Variants in PPP1R9A observed in about 807,000 individuals in gnomAD.
PPP1R9A encodes the protein neurabin-1.
A neutral mutation model predicts 141.9 loss-of-function variants in PPP1R9A; 59 were observed. The observed-to-expected ratio is 0.42, with a 90% CI of 0.34 to 0.52. The LOEUF is 0.52. Ranked by LOEUF, PPP1R9A falls within the 20% of genes least tolerant of loss-of-function variation. The pLI, the probability that PPP1R9A is intolerant of heterozygous loss-of-function variation, is 0.10. For missense variants in PPP1R9A, 1,444 were observed against 1,611.9 expected (o/e 0.90, Z 1.78); for synonymous variants, 500 against 569.7 (o/e 0.88, Z 1.74).
chr7:95,155,010 A>G (rs1829351278), intron 4 of PPP1R9A: 1 of 152,084 alleles, frequency 6.6e-6, no homozygotes, highest in Non-Finnish European at 1.5e-5. Flanking sequence ...TAATGCATGC[A>G]TGGGGATTAT....
chr7:95,231,215 A>G (rs529085169), intron 8 of PPP1R9A, among the ~76,000 whole-genome samples: 11 of 152,194 alleles, frequency 7.2e-5, no homozygotes, highest in South Asian at 4.1e-4. Context: ...AATTCTAACT[A>G]TATTTGCAGC....
At chr7:95,200,741 T>C (rs1052807186) in intron 6 of PPP1R9A, among the ~76,000 whole-genome samples, 1 of 152,244 alleles carries the variant, frequency 6.6e-6, no homozygotes. Flanking sequence ...CCTGAGCAGA[T>C]ATTTTCAGGG....
intron 2 of PPP1R9A, among the ~76,000 whole-genome samples, chr7:95,025,926 G>T (rs184555812): frequency 4.6e-5 from 7 of 152,246 alleles, no homozygotes; most frequent in African/African-American, 1.7e-4. Flanking sequence ...AGCTCCATCA[G>T]ATCATTTATG....
At chr7:94,920,173 A>G (rs534194149) in intron 2 of PPP1R9A, among the ~76,000 whole-genome samples, 1 of 152,330 alleles carries the variant, frequency 6.6e-6, no homozygotes, top group East Asian at 1.9e-4. Context: ...GCACAATTTT[A>G]TAGAGTGGAT....
At chr7:95,107,466 G>T (rs1312594426) in intron 2 of PPP1R9A, among the ~76,000 whole-genome samples, 1 of 152,016 alleles carries the variant, frequency 6.6e-6, no homozygotes. Context: ...TAACCTGTTA[G>T]CTAAACATTG....
At chr7:95,038,826 C>T (rs1456890584) in intron 2 of PPP1R9A, among the ~76,000 whole-genome samples, 4 of 152,144 alleles carry the variant, frequency 2.6e-5, no homozygotes, top group Non-Finnish European at 5.9e-5. Context: ...AGTTTAATAA[C>T]AGCAGATGAC....
At chr7:95,049,828 C>T (rs1316752995) in intron 2 of PPP1R9A, among the ~76,000 whole-genome samples, 7 of 152,148 alleles carry the variant, frequency 4.6e-5, no homozygotes, top group Non-Finnish European at 8.8e-5. Flanking sequence ...CAGTTTCCTC[C>T]CTGTCTTTTC....
rs547617330 is a variant in PPP1R9A at position 95,204,209 on chromosome 7, CATATCAAAATATCTAAA to C, written c.1956+499_1956+515del. 6.9e-4 allele frequency among the ~76,000 whole-genome samples: 105 copies of C among 152,142 alleles called. 1 individual carries two copies. The highest frequency in any genetic ancestry group is 1.3e-3 in the Non-Finnish European group (89 of 67,992). Reference sequence around the variant, plus strand: ...TTAGTTGCATGATTTATATGGTAGACATATCAAAATATCTAAAATATCAAAATATCTAAAATGATACT... The same window carrying C: ...TTAGTTGCATGATTTATATGGTAGACATATCAAAATATCTAAAATGATACT... On this transcript the variant is annotated intron_variant, in intron 7 of 19. Transcript: ENST00000433360.
chr7:95,228,331 A>T (rs1795433766), intron 8 of PPP1R9A, among the ~76,000 whole-genome samples: 1 of 152,156 alleles, frequency 6.6e-6, no homozygotes, highest in Admixed American at 6.6e-5. Flanking sequence ...TTAGTGGTGA[A>T]ATATTTATGG....
At chr7:95,164,037 C>G (rs1014018085) in intron 5 of PPP1R9A, among the ~76,000 whole-genome samples, 2 of 152,130 alleles carry the variant, frequency 1.3e-5, no homozygotes, top group Non-Finnish European at 2.9e-5. Context: ...TGCGCCTGGC[C>G]CCATGTGCAG....
At chr7:95,151,333 G>C (rs1047472698) in intron 4 of PPP1R9A, among the ~76,000 whole-genome samples, 1 of 152,224 alleles carries the variant, frequency 6.6e-6, no homozygotes, top group African/African-American at 2.4e-5. Flanking sequence ...AGACATGGAA[G>C]AATGCATATC....
chr7:95,249,429 A>G (rs528108708), intron 9 of PPP1R9A, among the ~76,000 whole-genome samples: 2 of 152,266 alleles, frequency 1.3e-5, no homozygotes, highest in South Asian at 2.1e-4. Flanking sequence ...AGCTATTTCA[A>G]GCATTCTGAT....
intron 5 of PPP1R9A, among the ~76,000 whole-genome samples, chr7:95,185,378 A>ATTTTTTTTTTTT (rs147366122): frequency 2.0e-5 from 3 of 148,894 alleles, no homozygotes; most frequent in African/African-American, 4.9e-5. Flanking sequence ...TTTTTATGGG[A>ATTTTTTTTTTTT]TTTTTTTTTT....
intron 5 of PPP1R9A, among the ~76,000 whole-genome samples, chr7:95,190,140 C>T (rs578023589): frequency 2.6e-5 from 4 of 152,288 alleles, no homozygotes; most frequent in Admixed American, 2.6e-4. Context: ...GATTCCTTCT[C>T]ATTTGAGCAA....
chr7:95,159,936 A>AG, intron 4 of PPP1R9A, among the ~76,000 whole-genome samples: 2 of 143,324 alleles, frequency 1.4e-5, no homozygotes, highest in Admixed American at 1.4e-4. Flanking sequence ...AAAAAAAAAA[A>AG]AAAAAAGAAA....
chr7:94,922,445 G>T lies in PPP1R9A; in HGVS notation c.1395+10937G>T, dbSNP rs1362814049. Among the ~76,000 whole-genome samples the T allele has an allele frequency of 2.0e-5, 3 of 152,104 alleles. No homozygotes were observed. The East Asian group carries it at 5.8e-4, about 29-fold the overall frequency. On this transcript the variant is annotated intron_variant, in intron 2 of 19. Coordinates refer to ENST00000433360, the MANE Select transcript of PPP1R9A (RefSeq NM_001166160.2). ...GGTTTTTATTACTTTCTAAATCAGT[G>T]TTTGTTAGTAAAGACTACATCAATG...
At chr7:94,942,581 T>C (rs967764426) in intron 2 of PPP1R9A, among the ~76,000 whole-genome samples, 1 of 152,004 alleles carries the variant, frequency 6.6e-6, no homozygotes, top group African/African-American at 2.4e-5. Context: ...GGCGGGTGGA[T>C]CACCTGAAGT....
At chr7:94,990,946 G>T (rs1447679157) in intron 2 of PPP1R9A, among the ~76,000 whole-genome samples, 2 of 151,838 alleles carry the variant, frequency 1.3e-5, no homozygotes, top group East Asian at 3.9e-4. Flanking sequence ...CTTTATCTCT[G>T]TTGTCGGACA....
intron 2 of PPP1R9A, among the ~76,000 whole-genome samples, chr7:94,947,513 C>T (rs1228597085): frequency 6.6e-6 from 1 of 152,066 alleles, no homozygotes; most frequent in African/African-American, 2.4e-5. Flanking sequence ...GTAAGAGATT[C>T]TTCAAACACA....
Sources: gnomAD v4.1 joint callset for allele counts (sites outside exome capture counted in the v4.1 genomes callset) on GRCh38, gnomAD v4.1.1 for gene constraint, MANE v1.5 for transcripts, NCBI Gene and HGNC (gene_info 2026-07-23, HGNC 2026-07-21) for gene names.